Variants in RTL9 observed in about 807,000 individuals in gnomAD.
RTL9 encodes retrotransposon Gag-like protein 9.
RTL9 carries 19 observed loss-of-function variants against 44.7 expected under a neutral mutation model. The ratio of observed to expected loss-of-function variants is 0.42; its 90% CI spans 0.30 to 0.62. The LOEUF is 0.62. Ranked by LOEUF, RTL9 falls within the 20% of genes least tolerant of loss-of-function variation. RTL9 has a pLI of 0.16. For synonymous variants in RTL9, 407 were observed against 398.9 expected (o/e 1.02, Z -0.24); for missense variants, 1,105 against 1,080.6 (o/e 1.02, Z -0.32).
chrX:110,424,363 A>G (rs1001281841), intron 1 of RTL9, among the ~76,000 whole-genome samples: 2 of 111,348 alleles, frequency 1.8e-5, no homozygotes, highest in African/African-American at 3.3e-5. Flanking sequence ...CTCCTCCTCT[A>G]TTTATCCAGA....
intron 1 of RTL9, among the ~76,000 whole-genome samples, chrX:110,439,616 T>A (rs1414741773): frequency 8.9e-6 from 1 of 112,064 alleles, no homozygotes; most frequent in African/African-American, 3.3e-5. Context: ...TGCACAACAT[T>A]GATGAACAGA....
exon 2 of RTL9, chrX:110,455,486 T>C (rs1276168026): frequency 3.6e-6 from 2 of 550,890 alleles, no homozygotes; most frequent in East Asian, 7.2e-5. Flanking sequence ...GATTTGACCT[T>C]CTCTTTCACC....
chrX:110,451,274 G>T (rs1255512272), exon 1 of RTL9: 2 of 1,211,762 alleles, frequency 1.7e-6, no homozygotes, highest in Middle Eastern at 2.3e-4. Flanking sequence ...TGTCTACACA[G>T]CCAGTGCCAG....
chrX:110,362,569 T>C (rs1378241423), intron 1 of RTL9, among the ~76,000 whole-genome samples: 1 of 112,490 alleles, frequency 8.9e-6, no homozygotes, highest in Non-Finnish European at 1.9e-5. Context: ...TGATATGAGA[T>C]GATATTTTCC....
intron 1 of RTL9, among the ~76,000 whole-genome samples, chrX:110,390,563 C>T (rs915269066): frequency 2.7e-5 from 3 of 111,083 alleles, no homozygotes; most frequent in African/African-American, 6.6e-5. Flanking sequence ...TATCAGGGGA[C>T]TCTCCACTAC....
At chrX:110,434,827 C>A (rs1318612199) in intron 1 of RTL9, among the ~76,000 whole-genome samples, 5 of 110,377 alleles carry the variant, frequency 4.5e-5, no homozygotes, top group Non-Finnish European at 7.6e-5. Flanking sequence ...GGGGTTTCTC[C>A]TCTCCCATTT....
At chrX:110,453,527 G>T in exon 1 of RTL9, 2 of 1,211,642 alleles carry the variant, frequency 1.7e-6, no homozygotes, top group Non-Finnish European at 2.2e-6. Context: ...TGTCAGCCAT[G>T]GCTTCTGGAG....
chrX:110,420,172 C>T (rs2068706726), intron 1 of RTL9, among the ~76,000 whole-genome samples: 1 of 111,956 alleles, frequency 8.9e-6, no homozygotes, highest in Admixed American at 9.5e-5. Context: ...TACTACAGCA[C>T]TGGCCACATT....
chrX:110,372,928 G>T (rs1237162225), intron 1 of RTL9, among the ~76,000 whole-genome samples: 1 of 111,851 alleles, frequency 8.9e-6, no homozygotes, highest in Non-Finnish European at 1.9e-5. Flanking sequence ...ATAAAACAAA[G>T]AGTAGAAGGA....
intron 1 of RTL9, among the ~76,000 whole-genome samples, chrX:110,423,447 T>C (rs2068733381): frequency 8.9e-6 from 1 of 112,028 alleles, no homozygotes; most frequent in South Asian, 3.8e-4. Context: ...ATGACTTCTC[T>C]GCTAGGGTTA....
chrX:110,391,689 T>A lies in RTL9; in HGVS notation c.-168+32773T>A, dbSNP rs563380286. Among the ~76,000 whole-genome samples the A allele has an allele frequency of 1.9e-4, 21 of 112,252 alleles. No homozygotes were observed. In the South Asian group the frequency reaches 7.8e-3, roughly 42 times the overall value. On this transcript the variant is annotated intron_variant, in intron 1 of 2. Coordinates refer to the RTL9 transcript ENST00000520821. ...ATCAAAGAGGCATCTAAGTTGTCTT[T>A]AGTGAGAAACCATCTATATATACAA...
chrX:110,409,993 A>C (rs920267538), intron 1 of RTL9, among the ~76,000 whole-genome samples: 6 of 112,032 alleles, frequency 5.4e-5, no homozygotes, highest in African/African-American at 1.9e-4. Flanking sequence ...TCAGAGTCTG[A>C]TTCAGTAAGT....
At chrX:110,359,131 G>A (rs1036630442) in intron 1 of RTL9, among the ~76,000 whole-genome samples, 2 of 110,859 alleles carry the variant, frequency 1.8e-5, no homozygotes, top group Non-Finnish European at 3.8e-5. Flanking sequence ...CACATAGCTG[G>A]TTAAGTGCCA....
rs749655406 is a variant in RTL9 at position 110,452,327 on chromosome X, G to A, written c.1710G>A (p.Met570Ile). 14 of 1,208,409 alleles carry A rather than the reference G, an allele frequency of 1.2e-5. No individual in the cohort carries two copies. In the African/African-American group the frequency reaches 2.3e-4, roughly 20 times the overall value. ...CATCTGCAGCACAGATGAAAGCCAT[G>A]ACTTCTGGAGCAATGTCCACCCCAC... is the stretch of plus-strand genomic sequence containing the variant. Residue 570 changes from methionine (M) to isoleucine (I), a missense_variant, in exon 1 of 2, where the codon ATG (methionine) becomes ATA (isoleucine). Physicochemically the swap from Met to Ile is conservative, Grantham distance 10 (BLOSUM62 1). Coordinates refer to ENST00000540313, the Ensembl canonical transcript of RTL9.
In RTL9 at chrX:110,393,753, C is replaced by T. The variant is rs746451209; in HGVS notation, c.-168+34837C>T. On this transcript the variant is annotated intron_variant, in intron 1 of 2. Coordinates refer to the RTL9 transcript ENST00000520821. ...CGTTAATGGGGAAAATTTGGTTTTCCCCAGGGCCACTGTCCATGGACAGGA... is the reference window on the plus strand; with the variant it reads ...CGTTAATGGGGAAAATTTGGTTTTCTCCAGGGCCACTGTCCATGGACAGGA... 9.8e-5 allele frequency among the ~76,000 whole-genome samples: 11 copies of T among 112,136 alleles called. No individual in the cohort carries two copies. In the South Asian group the frequency reaches 3.7e-3, roughly 38 times the overall value.
upstream of RTL9, among the ~76,000 whole-genome samples, chrX:110,417,238 G>T (rs1034630530): frequency 2.7e-5 from 3 of 111,994 alleles, no homozygotes; most frequent in Non-Finnish European, 5.6e-5. Flanking sequence ...TGCTCAGCTT[G>T]GAGGGAGGGG....
At chrX:110,426,780 G>C (rs1202212269) in intron 1 of RTL9, 1 of 111,725 alleles carries the variant, frequency 9.0e-6, no homozygotes, top group African/African-American at 3.3e-5. Context: ...AAGTTGATTA[G>C]GGTCAAGGTG....
At chrX:110,454,229 A>C in exon 1 of RTL9, 1 of 1,211,865 alleles carries the variant, frequency 8.3e-7, no homozygotes, top group South Asian at 1.8e-5. Flanking sequence ...TCATCTTGCA[A>C]ATGGAGGTAG....
chrX:110,378,806 C>T (rs777600588), intron 1 of RTL9, among the ~76,000 whole-genome samples: 69 of 111,548 alleles, frequency 6.2e-4, no homozygotes, highest in South Asian at 1.2e-3. Context: ...CTGTCCACCC[C>T]GACCCCCGCT....
Sources: gnomAD v4.1 joint callset for allele counts (sites outside exome capture counted in the v4.1 genomes callset) on GRCh38, gnomAD v4.1.1 for gene constraint, MANE v1.5 for transcripts, NCBI Gene and HGNC (gene_info 2026-07-23, HGNC 2026-07-21) for gene names.